The following SMYD3 variants were observed in gnomAD, a reference collection of about 807,000 sequenced individuals.
The protein encoded by SMYD3 is SET and MYND domain containing 3.
A neutral mutation model predicts 57.7 loss-of-function variants in SMYD3; 36 were observed. The observed-to-expected ratio is 0.62, with a 90% CI of 0.48 to 0.82. The LOEUF is 0.82. Among genes scored for constraint, SMYD3 ranks in the 40% least tolerant of loss-of-function variants. The pLI, the probability that SMYD3 is intolerant of heterozygous loss-of-function variation, is 0.00. For synonymous variants in SMYD3, 211 were observed against 195.0 expected, an observed-to-expected ratio of 1.08 and a Z score of -0.68; for missense variants, 515 against 538.8, an observed-to-expected ratio of 0.96 and a Z score of 0.44.
chr1:246,070,353 C>G (rs755033557), intron 5 of SMYD3, among the ~76,000 whole-genome samples: 2 of 152,158 alleles, frequency 1.3e-5, no homozygotes, highest in Admixed American at 1.3e-4. Flanking sequence ...CAAATATACT[C>G]TCTTGGTGTT....
chr1:246,328,453 C>A (rs2065394824), intron 4 of SMYD3, among the ~76,000 whole-genome samples: 1 of 152,068 alleles, frequency 6.6e-6, no homozygotes, highest in Non-Finnish European at 1.5e-5. Context: ...CCCATGGTAA[C>A]AGATGTTATT....
chr1:245,918,301 A>G (rs1024352901), intron 7 of SMYD3, among the ~76,000 whole-genome samples: 10 of 152,146 alleles, frequency 6.6e-5, no homozygotes, highest in African/African-American at 2.4e-4. Flanking sequence ...AACACTGAAG[A>G]CTGCACCCAG....
chr1:246,101,642 T>C (rs2061017899), intron 5 of SMYD3, among the ~76,000 whole-genome samples: 2 of 152,256 alleles, frequency 1.3e-5, no homozygotes, highest in African/African-American at 4.8e-5. Context: ...GGCATGTAAA[T>C]TATGTTCATA....
intron 5 of SMYD3, among the ~76,000 whole-genome samples, chr1:246,134,934 TAA>T (rs1374654210): frequency 4.6e-5 from 6 of 131,018 alleles, no homozygotes; most frequent in South Asian, 2.5e-4. Context: ...CCAGTCAAGC[TAA>T]AAAAAAAAAA....
At chr1:246,251,080 A>G (rs2063791416) in intron 5 of SMYD3, among the ~76,000 whole-genome samples, 2 of 152,218 alleles carry the variant, frequency 1.3e-5, no homozygotes, top group African/African-American at 2.4e-5. Flanking sequence ...CATCCCCTAA[A>G]ACATTTGTCC....
In SMYD3 at chr1:246,375,647, A is replaced by G. The variant is rs1215654590; in HGVS notation, c.165-20553T>C. 2.6e-5 allele frequency among the ~76,000 whole-genome samples: 4 copies of G among 152,202 alleles called. No individual in the cohort carries two copies. In the East Asian group the frequency reaches 7.7e-4, roughly 29 times the overall value. On this transcript the variant is annotated intron_variant, in intron 1 of 11. Coordinates refer to ENST00000490107, the MANE Select transcript of SMYD3 (RefSeq NM_001167740.2). ...GTCAAATAGAGCAGCACGTGTTAAT[A>G]CTTATATTTCTGCCCTTCAAAATTA...
In SMYD3 at chr1:246,507,258, A is replaced by C; in HGVS notation, c.-41T>G. The C allele has an allele frequency of 6.9e-7, 1 of 1,456,490 alleles. No individual in the cohort carries two copies. The highest frequency in any genetic ancestry group is 9.1e-7 in the Non-Finnish European group (1 of 1,097,672). 90.2% of individuals were successfully genotyped at this position (1,456,490 alleles called of 1,614,324 possible). ...GCACCTCAGACGGCTACCCGCGTCC[A>C]GCAGCGGGCGTCTCACGGGCTGCCG... On this transcript the variant is annotated 5_prime_UTR_variant, in exon 1 of 12. Coordinates refer to ENST00000490107, the MANE Select transcript of SMYD3 (RefSeq NM_001167740.2).
chr1:246,392,435 A>G (rs536759334), intron 1 of SMYD3, among the ~76,000 whole-genome samples: 2 of 152,164 alleles, frequency 1.3e-5, no homozygotes, highest in Non-Finnish European at 2.9e-5. Context: ...AATCCTCATA[A>G]TAACTCCATT....
intron 5 of SMYD3, among the ~76,000 whole-genome samples, chr1:245,936,738 T>C (rs1267853724): frequency 3.0e-5 from 4 of 135,020 alleles, no homozygotes; most frequent in Non-Finnish European, 4.7e-5. Context: ...CTATAAAAAA[T>C]ACAAAAATTA....
At chr1:246,143,408 T>C (rs1201754676) in intron 5 of SMYD3, among the ~76,000 whole-genome samples, 1 of 152,164 alleles carries the variant, frequency 6.6e-6, no homozygotes, top group African/African-American at 2.4e-5. Context: ...ACAGGCATGG[T>C]GCTCACACCT....
intron 5 of SMYD3, among the ~76,000 whole-genome samples, chr1:246,278,769 G>A (rs1208938031): frequency 1.3e-5 from 2 of 152,102 alleles, no homozygotes; most frequent in African/African-American, 2.4e-5. Context: ...GAAACCATAC[G>A]ATTAAAAAAT....
At chr1:246,073,979 T>C (rs1379896425) in intron 5 of SMYD3, among the ~76,000 whole-genome samples, 2 of 152,216 alleles carry the variant, frequency 1.3e-5, no homozygotes, top group Non-Finnish European at 2.9e-5. Context: ...TAGGTCAAGC[T>C]TGTCCAACCT....
At chr1:246,394,424 C>T (rs1187430669) in intron 1 of SMYD3, among the ~76,000 whole-genome samples, 1 of 152,218 alleles carries the variant, frequency 6.6e-6, no homozygotes, top group African/African-American at 2.4e-5. Context: ...AACACCAATA[C>T]TGAGGGGCGT....
chr1:245,833,073 A>AAAAAAAAAAAAAAAACACAAC lies in SMYD3; in HGVS notation c.1076+25422_1076+25423insGTTGTGTTTTTTTTTTTTTTT. Among the ~76,000 whole-genome samples, 17 of 128,622 alleles carry AAAAAAAAAAAAAAAACACAAC rather than the reference A, an allele frequency of 1.3e-4. 1 individual carries two copies. Among genetic ancestry groups the AAAAAAAAAAAAAAAACACAAC allele is most frequent in the South Asian group, 9.4e-4 (3 of 3,200 alleles). 84.4% of individuals were successfully genotyped at this position (128,622 alleles called of 152,430 possible). On this transcript the variant is annotated intron_variant, in intron 10 of 11. Transcript: ENST00000490107. ...GGAATATGTGACAAAAAAAAAAAAA[A>AAAAAAAAAAAAAAAACACAAC]AACCTGCTTTTATAATGCTGATTCA...
At chr1:246,129,074 A>C (rs970564225) in intron 5 of SMYD3, among the ~76,000 whole-genome samples, 3 of 152,102 alleles carry the variant, frequency 2.0e-5, no homozygotes, top group African/African-American at 7.2e-5. Flanking sequence ...CTAGGATTAC[A>C]GGTGTGTGGC....
At chr1:245,908,851 T>C (rs1189900992) in intron 8 of SMYD3, among the ~76,000 whole-genome samples, 1 of 152,152 alleles carries the variant, frequency 6.6e-6, no homozygotes, top group African/African-American at 2.4e-5. Context: ...TAAACACCTC[T>C]ATAAAAGAGG....
At chr1:245,798,865 T>A (rs150368595) in intron 10 of SMYD3, among the ~76,000 whole-genome samples, 1 of 152,104 alleles carries the variant, frequency 6.6e-6, no homozygotes, top group African/African-American at 2.4e-5. Flanking sequence ...CATCAACCCC[T>A]CAGCCCAGCC....
At chr1:246,481,582 T>G (rs1361050641) in intron 1 of SMYD3, among the ~76,000 whole-genome samples, 1 of 27,264 alleles carries the variant, frequency 3.7e-5, no homozygotes, top group Admixed American at 5.4e-4. Flanking sequence ...ATCATGGGAC[T>G]TCTCAGGCTC....
At chr1:246,113,034 T>C (rs1462981118) in intron 5 of SMYD3, among the ~76,000 whole-genome samples, 1 of 151,896 alleles carries the variant, frequency 6.6e-6, no homozygotes, top group Non-Finnish European at 1.5e-5. Context: ...ACAAAAAAGT[T>C]AGCCAGGTGT....
Sources: gnomAD v4.1 joint callset for allele counts (sites outside exome capture counted in the v4.1 genomes callset) on GRCh38, gnomAD v4.1.1 for gene constraint, MANE v1.5 for transcripts, NCBI Gene and HGNC (gene_info 2026-07-23, HGNC 2026-07-21) for gene names.